The following TLL2 variants were observed in gnomAD, a reference collection of about 807,000 sequenced individuals.
The protein encoded by TLL2 is tolloid-like protein 2.
TLL2 carries 106 observed loss-of-function variants against 123.0 expected under a neutral mutation model. The ratio of observed to expected loss-of-function variants is 0.86; its 90% CI spans 0.74 to 1.01. The LOEUF is 1.01. Ranked by LOEUF, TLL2 falls within the 50% of genes least tolerant of loss-of-function variation. The pLI is 0.00. For synonymous variants in TLL2, 494 were observed against 516.8 expected (o/e 0.96, Z 0.60); for missense variants, 1,332 against 1,336.7 (o/e 1.00, Z 0.06).
In TLL2 at chr10:96,379,214, T is replaced by G; in HGVS notation, c.2195-122A>C. 5 of 1,268,502 alleles carry G rather than the reference T, an allele frequency of 3.9e-6. No homozygotes were observed. In the South Asian group the frequency reaches 7.0e-5, roughly 18 times the overall value. The allele number at this position is 1,268,502 out of a possible 1,614,324, so 78.6% of individuals were successfully genotyped here. ...CCTCTCTGATTGCTCCCCTTCCCCC[T>G]CTGATTGTTCCCTCACTGGAGGAGT... On this transcript the variant is annotated intron_variant, in intron 16 of 20. Coordinates refer to ENST00000357947, the MANE Select transcript of TLL2 (RefSeq NM_012465.4).
Position 96,396,012 on chromosome 10 carries a change from C to G in TLL2, c.1393G>C (p.Gly465Arg), listed in dbSNP as rs372472391. 4.8e-5 allele frequency: 78 copies of G among 1,613,880 alleles called. No homozygotes were observed. The highest frequency in any genetic ancestry group is 6.3e-5 in the Non-Finnish European group (74 of 1,179,974). The change falls in exon 12 of 21, where the codon GGG becomes CGG. Residue 465 changes from glycine (G) to arginine (R), a missense_variant. By Grantham distance (125) the Gly-to-Arg change is moderately radical. Coordinates refer to ENST00000357947, the MANE Select transcript of TLL2 (RefSeq NM_012465.4). ...GFFAAYEATC[G>R]GDMNKDAGQI... ...CCGGCATCTTTGTTCATGTCTCCCC[C>G]GCAGGTAGCTTTAGAAAGAGACATC...
intron 16 of TLL2, 101 bp from the exon 17 acceptor site, chr10:96,379,193 T>C: frequency 7.0e-7 from 1 of 1,436,410 alleles, no homozygotes; most frequent in Non-Finnish European, 9.5e-7. Flanking sequence ...GGGAAGCCTC[T>C]CTGATTGCTC....
At chr10:96,430,209 C>T (rs1846723550) in intron 4 of TLL2, among the ~76,000 whole-genome samples, 1 of 152,148 alleles carries the variant, frequency 6.6e-6, no homozygotes, top group Non-Finnish European at 1.5e-5. Context: ...GGGCTTAGTG[C>T]CATCCCCTTG....
chr10:96,414,430 A>G (rs1231700679), intron 7 of TLL2, among the ~76,000 whole-genome samples: 1 of 152,038 alleles, frequency 6.6e-6, no homozygotes, highest in African/African-American at 2.4e-5. Context: ...TCTCTCCAGC[A>G]CTGACCTCCG....
At chr10:96,382,519 G>T (rs1362346088) in intron 16 of TLL2, among the ~76,000 whole-genome samples, 1 of 152,230 alleles carries the variant, frequency 6.6e-6, no homozygotes, top group East Asian at 1.9e-4. Flanking sequence ...AGGGTGCTAC[G>T]GTTTGAATGG....
chr10:96,388,681 C>A (rs1412688604), intron 13 of TLL2, among the ~76,000 whole-genome samples: 3 of 152,192 alleles, frequency 2.0e-5, no homozygotes, highest in African/African-American at 4.8e-5. Context: ...AAAACACAAA[C>A]CCTCCAATCA....
intron 5 of TLL2, among the ~76,000 whole-genome samples, chr10:96,423,252 G>C (rs567426023): frequency 3.3e-5 from 5 of 152,214 alleles, no homozygotes; most frequent in African/African-American, 1.2e-4. Flanking sequence ...AGCTTTTTGT[G>C]GTTATGAATC....
chr10:96,427,392 G>C (rs564917752), intron 5 of TLL2, among the ~76,000 whole-genome samples: 1 of 152,080 alleles, frequency 6.6e-6, no homozygotes, highest in Non-Finnish European at 1.5e-5. Flanking sequence ...TTTGGTCAAC[G>C]TGACACTGAC....
chr10:96,379,557 C>T (rs1846167544), intron 16 of TLL2, among the ~76,000 whole-genome samples: 1 of 152,164 alleles, frequency 6.6e-6, no homozygotes, highest in South Asian at 2.1e-4. Flanking sequence ...CATGGTGGCT[C>T]ATGCCTGTAA....
chr10:96,394,779 A>C (rs998286608), intron 13 of TLL2, among the ~76,000 whole-genome samples: 2 of 152,252 alleles, frequency 1.3e-5, no homozygotes, highest in African/African-American at 4.8e-5. Context: ...GCCCTGATCC[A>C]AATCTAACTC....
chr10:96,407,805 T>C (rs540233585), intron 9 of TLL2, among the ~76,000 whole-genome samples: 1 of 152,340 alleles, frequency 6.6e-6, no homozygotes, highest in South Asian at 2.1e-4. Context: ...CCTTCTGTCA[T>C]TGAGTGTGTG....
intron 2 of TLL2, among the ~76,000 whole-genome samples, chr10:96,458,822 C>G (rs570277594): frequency 4.6e-4 from 70 of 151,874 alleles, no homozygotes; most frequent in African/African-American, 1.6e-3. Flanking sequence ...TGGCCAGGAG[C>G]AGTGGCTCAC....
intron 7 of TLL2, among the ~76,000 whole-genome samples, chr10:96,418,266 G>C (rs75870131): frequency 0.025 from 3,874 of 152,278 alleles, 163 homozygotes; most frequent in African/African-American, 0.081. Flanking sequence ...AGAAACGCTG[G>C]TGCTGGAAGA....
chr10:96,474,168 C>T (rs1589431434), intron 2 of TLL2, among the ~76,000 whole-genome samples: 1 of 152,198 alleles, frequency 6.6e-6, no homozygotes, highest in South Asian at 2.1e-4. Context: ...AAAATGCACA[C>T]AGAAGACTTT....
rs189579945 is a variant in TLL2 at position 96,426,443 on chromosome 10, G to A, written c.638+2188C>T. ...AGTTCCTCAAAAGTAATTTGAAAGC[G>A]TTCATCTTTCTCTATGCTCTAAAAA... is the stretch of plus-strand genomic sequence containing the variant. On this transcript the variant is annotated intron_variant, in intron 5 of 20. Transcript: ENST00000357947. Among the ~76,000 whole-genome samples the A allele has an allele frequency of 2.7e-3, 417 of 152,132 alleles. 7 individuals are homozygous for A. The highest frequency in any genetic ancestry group is 3.1e-3 in the Admixed American group (48 of 15,280).
In TLL2 at chr10:96,428,713, G is replaced by A. The variant is rs750381507; in HGVS notation, c.556C>T (p.His186Tyr). The change falls in exon 5 of 21, where the codon CAC (histidine) becomes TAC (tyrosine). Residue 186 changes from histidine to tyrosine, a missense_variant. Coordinates refer to ENST00000357947, the MANE Select transcript of TLL2 (RefSeq NM_012465.4). ...GTCACACAGGTGTGCTTCTCCCAGT[G>A]TCTCATGGCCTGCTTAAAAATGGCC... ...QRAIFKQAMRHWEKHTCVTFI... is the reference protein window; with the variant it reads ...QRAIFKQAMRYWEKHTCVTFI... 6.8e-6 allele frequency: 11 copies of A among 1,613,954 alleles called. 1 individual carries two copies. In the South Asian group the frequency reaches 1.1e-4, roughly 16 times the overall value.
intron 1 of TLL2, among the ~76,000 whole-genome samples, chr10:96,494,414 C>T (rs1468345591): frequency 1.3e-5 from 2 of 152,258 alleles, no homozygotes; most frequent in Admixed American, 6.5e-5. Context: ...CCTTCCTGGT[C>T]CATCCTGGCC....
At chr10:96,374,027 G>A (rs975347567) in intron 18 of TLL2, 47 of 560,628 alleles carry the variant, frequency 8.4e-5, no homozygotes, top group African/African-American at 7.5e-4. Flanking sequence ...CTATGAAGTA[G>A]TTACATGAGC....
intron 2 of TLL2, among the ~76,000 whole-genome samples, chr10:96,459,819 A>G (rs927666459): frequency 6.7e-6 from 1 of 148,896 alleles, no homozygotes; most frequent in Admixed American, 6.7e-5. Context: ...AGGAGACATC[A>G]CAGACACAGG....
Sources: allele counts gnomAD v4.1 joint callset (sites outside exome capture counted in the v4.1 genomes callset), GRCh38; gene constraint gnomAD v4.1.1; transcripts MANE v1.5; gene names NCBI Gene and HGNC (gene_info 2026-07-23, HGNC 2026-07-21).